The following BAD variants were observed in gnomAD, a reference collection of about 807,000 sequenced individuals.
BAD encodes the protein BCL2 associated agonist of cell death, also known as bcl2-associated agonist of cell death.
Under a neutral mutation model 17.8 loss-of-function variants are expected in BAD, and 18 were observed. That is an observed-to-expected ratio of 1.01 (90% CI 0.70 to 1.50). BAD has a LOEUF of 1.50. BAD is among the 40% of genes most tolerant of loss of function. The pLI, the probability that BAD is intolerant of heterozygous loss-of-function variation, is 0.00. For synonymous variants in BAD, 112 were observed against 91.5 expected, an observed-to-expected ratio of 1.22 and a Z score of -1.28; for missense variants, 294 against 239.3, an observed-to-expected ratio of 1.23 and a Z score of -1.51.
chr11:64,280,009 C>G lies in BAD; in HGVS notation c.187+4173G>C, dbSNP rs991556140. Among the ~76,000 whole-genome samples the G allele has an allele frequency of 2.0e-5, 3 of 151,784 alleles. No individual in the cohort carries two copies. The South Asian group carries it at 6.2e-4, about 32-fold the overall frequency. ...GACCAGCCTGGCCAACATAGCAAGA[C>G]CTTGTCTCTAAAATTAATAATAATT... is the stretch of plus-strand genomic sequence containing the variant. On this transcript the variant is annotated intron_variant, in intron 2 of 3. Coordinates refer to ENST00000309032, the MANE Select transcript of BAD (RefSeq NM_032989.3).
chr11:64,271,162 A>G (rs11231734), intron 3 of BAD, among the ~76,000 whole-genome samples: 170 of 208 alleles, frequency 0.82, 80 homozygotes, highest in East Asian at 1. Flanking sequence ...ACACACACAC[A>G]CCTGGAGTGG....
At chr11:64,273,537 C>T (rs895675428) in intron 2 of BAD, among the ~76,000 whole-genome samples, 2 of 152,020 alleles carry the variant, frequency 1.3e-5, no homozygotes, top group African/African-American at 4.8e-5. Flanking sequence ...CCGATAAAGA[C>T]TTAGAACCAC....
Position 64,271,669 on chromosome 11 carries a change from G to C in BAD, c.322C>G (p.Gln108Glu). The C allele has an allele frequency of 6.6e-7, 1 of 1,506,588 alleles. No individual in the cohort carries two copies. The highest frequency in any genetic ancestry group is 8.9e-7 in the Non-Finnish European group (1 of 1,126,576). 93.3% of individuals were successfully genotyped at this position (1,506,588 alleles called of 1,614,324 possible). A position where few individuals can be genotyped will look rare whatever the true frequency, so the allele number is the denominator to read the frequency against. Residue 108 changes from glutamine (Q) to glutamate (E), a missense_variant, in exon 3 of 4, where the codon CAG becomes GAG. Physicochemically the swap from Gln to Glu is conservative, Grantham distance 29. Coordinates refer to ENST00000309032, the MANE Select transcript of BAD (RefSeq NM_032989.3). ...CTCCGGAGCTCGCGGCCATAGCGCT[G>C]TGCTGCCCAGAGGTTGGGGGGCGCC... ...RSAPPNLWAA[Q>E]RYGRELRRMS...
At chr11:64,275,224 C>T (rs767903915) in intron 2 of BAD, among the ~76,000 whole-genome samples, 2 of 151,170 alleles carry the variant, frequency 1.3e-5, no homozygotes, top group Non-Finnish European at 2.9e-5. Flanking sequence ...CCAGGCGTGG[C>T]GGCTCATGCC....
Position 64,284,265 on chromosome 11 carries a change from C to T in BAD, c.104G>A (p.Gly35Asp). Reference sequence around the variant, plus strand: ...GCCTGGGGCCTGGCGATGATGCTTGCCGGAGCCTGAGGGCCCGTCCCCTGC... The same window carrying T: ...GCCTGGGGCCTGGCGATGATGCTTGTCGGAGCCTGAGGGCCCGTCCCCTGC... ...SPAGDGPSGS[G>D]KHHRQAPGLL... Residue 35 changes from glycine (G) to aspartate (D), a missense_variant, in exon 2 of 4, where the codon GGC (glycine) becomes GAC (aspartate). Physicochemically the swap from Gly to Asp is moderately conservative, Grantham distance 94. Transcript: ENST00000309032. 1 of 1,611,360 alleles carries T rather than the reference C, an allele frequency of 6.2e-7. No individual in the cohort carries two copies.
chr11:64,275,860 C>A (rs1007000881), intron 2 of BAD: 2 of 152,010 alleles, frequency 1.3e-5, no homozygotes, highest in Non-Finnish European at 2.9e-5. Flanking sequence ...TGGTCGGAAG[C>A]CCTCCCTGTG....
Position 64,270,026 on chromosome 11 carries a change from C to A in BAD, c.*183G>T. 8.3e-7 allele frequency: 1 copy of A among 1,205,730 alleles called. No individual in the cohort carries two copies. The highest frequency in any genetic ancestry group is 1.3e-5 in the South Asian group (1 of 74,146). 74.7% of individuals were successfully genotyped at this position (1,205,730 alleles called of 1,614,324 possible). ...CTGTGGGCGGAAAACCCAAAACTTC[C>A]GATGGGACCAAGCCTTCCGTGGCTT... is the stretch of plus-strand genomic sequence containing the variant. On this transcript the variant is annotated 3_prime_UTR_variant, in exon 4 of 4. Coordinates refer to ENST00000309032, the MANE Select transcript of BAD (RefSeq NM_032989.3).
rs1226391283 is a variant in BAD, at chr11:64,271,744, C to T, written c.247G>A (p.Asp83Asn). Residue 83 changes from aspartate to asparagine, a missense_variant, in exon 3 of 4, where the codon GAC (aspartate) becomes AAC (asparagine). Coordinates refer to ENST00000309032, the MANE Select transcript of BAD (RefSeq NM_032989.3). ...HSSYPAGTEDDEGMGEEPSPF... is the reference protein window; with the variant it reads ...HSSYPAGTEDNEGMGEEPSPF... ...CTGGGCTCCTCCCCCATCCCTTCGTCGTCCTCCGTCCCCGCGGGGTAGGAG... is the reference window on the plus strand; with the variant it reads ...CTGGGCTCCTCCCCCATCCCTTCGTTGTCCTCCGTCCCCGCGGGGTAGGAG... The T allele has an allele frequency of 2.1e-6, 3 of 1,447,116 alleles. No homozygotes were observed. The highest frequency in any genetic ancestry group is 1.5e-5 in the African/African-American group (1 of 68,314). 89.6% of individuals were successfully genotyped at this position (1,447,116 alleles called of 1,614,324 possible).
rs545099579 is a variant in BAD at position 64,276,846 on chromosome 11, G to A, written c.188-5043C>T. The stretch of plus-strand genomic sequence containing the variant: ...CGCCTAGAGCCTGGCCCGGAGCTGG[G>A]TGTGGAAGTGGAGGGTAGTGGCTGT... On this transcript the variant is annotated intron_variant, in intron 2 of 3. Coordinates refer to ENST00000309032, the MANE Select transcript of BAD (RefSeq NM_032989.3). 1.5e-5 allele frequency: 11 copies of A among 730,358 alleles called. No homozygotes were observed. In the Admixed American group the frequency reaches 1.9e-4, roughly 13 times the overall value. 45.2% of individuals were successfully genotyped at this position (730,358 alleles called of 1,614,324 possible).
rs1244460426 is a variant in BAD, at chr11:64,270,127, T to G, written c.*82A>C. The G allele has an allele frequency of 6.2e-7, 1 of 1,602,358 alleles. No individual in the cohort carries two copies. Among genetic ancestry groups the G allele is most frequent in the Non-Finnish European group, 8.5e-7 (1 of 1,171,906 alleles). Reference sequence around the variant, plus strand: ...CACGGATCCTCTTTTTGCATAGGCCTGAGGGAAGTACTTCCGCCCATATTC... The same window carrying G: ...CACGGATCCTCTTTTTGCATAGGCCGGAGGGAAGTACTTCCGCCCATATTC... On this transcript the variant is annotated 3_prime_UTR_variant, in exon 4 of 4. Coordinates refer to ENST00000309032, the MANE Select transcript of BAD (RefSeq NM_032989.3).
Position 64,279,442 on chromosome 11 carries a change from C to T in BAD, c.187+4740G>A, listed in dbSNP as rs117477340. On this transcript the variant is annotated intron_variant, in intron 2 of 3. Coordinates refer to ENST00000309032, the MANE Select transcript of BAD (RefSeq NM_032989.3). ...AAGTCCCTGCCAGCTCCCACTAGCA[C>T]CCTGCTAAAAATCCCACCAGATGCT... 3.3e-4 allele frequency among the ~76,000 whole-genome samples: 51 copies of T among 152,316 alleles called. No homozygotes were observed. In the East Asian group the frequency reaches 9.3e-3, roughly 28 times the overall value.
intron 2 of BAD, among the ~76,000 whole-genome samples, chr11:64,279,635 T>C (rs1435406749): frequency 1.3e-5 from 2 of 151,502 alleles, no homozygotes; most frequent in South Asian, 2.1e-4. Flanking sequence ...GCATGGTGCA[T>C]GCCTGTAATC....
chr11:64,276,669 C>G (rs2135116664), intron 2 of BAD: 1 of 518,528 alleles, frequency 1.9e-6, no homozygotes, highest in Admixed American at 3.6e-5. Context: ...CAGGGAAAAA[C>G]CCTGGGGGAG....
In BAD at chr11:64,269,924, C is replaced by G. The variant is rs970587335; in HGVS notation, c.*285G>C. The G allele has an allele frequency of 5.6e-6, 4 of 708,284 alleles. No individual in the cohort carries two copies. The highest frequency in any genetic ancestry group is 1.0e-5 in the Non-Finnish European group (4 of 393,082). The allele number at this position is 708,284 out of a possible 1,614,324, so 43.9% of individuals were successfully genotyped here. On this transcript the variant is annotated 3_prime_UTR_variant, in exon 4 of 4. Coordinates refer to ENST00000309032, the MANE Select transcript of BAD (RefSeq NM_032989.3). The stretch of plus-strand genomic sequence containing the variant: ...GGTCCCGGTGACGCAACGGTTAAAC[C>G]TGGCTCGCGACTTAGCGCAGGCGCC...
intron 2 of BAD, 71 bp downstream of exon 2, chr11:64,284,111 C>A (rs549943314): frequency 6.7e-7 from 1 of 1,491,920 alleles, no homozygotes; most frequent in Non-Finnish European, 8.9e-7. Flanking sequence ...CCTGTGGATG[C>A]AACTGGGATG....
chr11:64,284,142 G>A (rs1416004523), intron 2 of BAD, 40 bp downstream of exon 2: 4 of 1,532,210 alleles, frequency 2.6e-6, no homozygotes, highest in Admixed American at 2.0e-5. Flanking sequence ...GTGGGCTGGG[G>A]GTGAGGTGTC....
intron 2 of BAD, among the ~76,000 whole-genome samples, chr11:64,277,535 G>T (rs890093252): frequency 6.6e-6 from 1 of 152,156 alleles, no homozygotes; most frequent in Non-Finnish European, 1.5e-5. Flanking sequence ...AATCCTAGGC[G>T]CAATCGATCT....
chr11:64,276,294 A>ATGTGTG (rs56161646), intron 2 of BAD: 1 of 30,904 alleles, frequency 3.2e-5, no homozygotes, highest in African/African-American at 1.5e-4. Context: ...GTGTGTGTAT[A>ATGTGTG]TATTTGTGTG....
intron 3 of BAD, 128 bp from the exon 4 acceptor site, chr11:64,270,465 G>A (rs978075558): frequency 3.8e-5 from 50 of 1,329,930 alleles, no homozygotes; most frequent in Non-Finnish European, 4.8e-5. Flanking sequence ...ACTCCCAGGA[G>A]GCTCCACGCC....
Sources: allele counts gnomAD v4.1 joint callset (sites outside exome capture counted in the v4.1 genomes callset), GRCh38; gene constraint gnomAD v4.1.1; transcripts MANE v1.5; gene names NCBI Gene and HGNC (gene_info 2026-07-23, HGNC 2026-07-21).